Variants in GGT1 observed in about 807,000 individuals in gnomAD.
GGT1 encodes the protein glutathione hydrolase 1 proenzyme.
A neutral mutation model predicts 56.0 loss-of-function variants in GGT1; 21 were observed. The ratio of observed to expected loss-of-function variants is 0.38; its 90% CI spans 0.27 to 0.54. The LOEUF (loss-of-function observed/expected upper bound fraction) is 0.54. Ranked by LOEUF, GGT1 falls within the 20% of genes least tolerant of loss-of-function variation. The pLI is 0.82. For synonymous variants in GGT1, 238 were observed against 342.6 expected, an observed-to-expected ratio of 0.69 and a Z score of 3.37; for missense variants, 466 against 787.0, an observed-to-expected ratio of 0.59 and a Z score of 4.88.
the GGT1 span, chr22:24,589,550 GC>G: frequency 4.3e-6 from 2 of 460,986 alleles, no homozygotes; most frequent in Non-Finnish European, 6.8e-6. Flanking sequence ...CCTGGTCTGG[GC>G]CCCCAGGCCT....
chr22:24,600,934 C>T (rs1280693309), upstream of GGT1, among the ~76,000 whole-genome samples: 1 of 152,176 alleles, frequency 6.6e-6, no homozygotes, highest in Admixed American at 6.5e-5. Flanking sequence ...TAGTGAGCTC[C>T]CCATTGGGGA....
chr22:24,600,171 AG>A (rs1337445343), upstream of GGT1, among the ~76,000 whole-genome samples: 4 of 152,208 alleles, frequency 2.6e-5, no homozygotes, highest in Admixed American at 6.5e-5. Context: ...TCATCAGGAA[AG>A]GGGAGAAGCT....
At chr22:24,607,084 C>G (rs188070425) in intron 1 of GGT1, among the ~76,000 whole-genome samples, 10,073 of 152,210 alleles carry the variant, frequency 0.066, 1,058 homozygotes, top group African/African-American at 0.23. Flanking sequence ...TACCAGGTGG[C>G]CAAGCCTGCA....
At chr22:24,596,488 C>T (rs761434883) in intron 1 of GGT1, among the ~76,000 whole-genome samples, 1 of 152,110 alleles carries the variant, frequency 6.6e-6, no homozygotes, top group Non-Finnish European at 1.5e-5. Flanking sequence ...TGGGGTCTCA[C>T]TATGTTGCCC....
upstream of GGT1, chr22:24,592,986 C>G (rs2147179368): frequency 6.9e-6 from 8 of 1,158,876 alleles, no homozygotes; most frequent in South Asian, 2.1e-4. Flanking sequence ...CGGCCGCCGC[C>G]CCGGCCTCAG....
At chr22:24,607,179 G>T (rs1224562957) in intron 1 of GGT1, among the ~76,000 whole-genome samples, 3 of 152,004 alleles carry the variant, frequency 2.0e-5, no homozygotes, top group African/African-American at 7.3e-5. Context: ...CTTGGGCCTG[G>T]GGTGCTAATG....
upstream of GGT1, among the ~76,000 whole-genome samples, chr22:24,591,298 C>T (rs1209361784): frequency 7.2e-5 from 11 of 152,338 alleles, 1 homozygote; most frequent in South Asian, 1.9e-3. Flanking sequence ...AGGCTGGTCT[C>T]GAATTCCCGA....
intron 11 of GGT1, among the ~76,000 whole-genome samples, chr22:24,626,438 C>T (rs1043376264): frequency 7.3e-6 from 1 of 136,446 alleles, no homozygotes; most frequent in Non-Finnish European, 1.6e-5. Context: ...AGCAGCCACT[C>T]AATGTCAATA....
At chr22:24,610,195 A>C (rs969985678) in intron 3 of GGT1, 55 bp from the exon 4 acceptor site, 10 of 311,618 alleles carry the variant, frequency 3.2e-5, no homozygotes, top group Non-Finnish European at 6.0e-5. Context: ...CCTGGGAGAC[A>C]TGCTGAGAGA....
At chr22:24,599,054 T>C (rs1195158531), upstream of GGT1, 1 of 152,238 alleles carries the variant, frequency 6.6e-6, no homozygotes. Flanking sequence ...AGATTAGAGA[T>C]GCCAGCTGTC....
rs762097364 is a variant in GGT1, at chr22:24,615,067, G to A, written c.322G>A (p.Glu108Lys). 1.9e-6 allele frequency: 3 copies of A among 1,612,208 alleles called. No homozygotes were observed. The highest frequency in any genetic ancestry group is 2.2e-5 in the East Asian group (1 of 44,880). Residue 108 changes from glutamate (E) to lysine (K), a missense_variant, in exon 7 of 16, where the codon GAG becomes AAG. Around this residue, in one of 2 missense-constraint regions of GGT1, gnomAD observed 456 missense variants for 716.7 expected, o/e 0.64. Transcript: ENST00000400382. ...AAAAGCTGAGGTCATCAACGCCCGC[G>A]AGGTGGCCCCCAGGCTGGCCTTTGC... ...TRKAEVINAREVAPRLAFATM... is the reference protein window; with the variant it reads ...TRKAEVINARKVAPRLAFATM...
chr22:24,592,804 C>T (rs2045612028), upstream of GGT1: 1 of 1,247,806 alleles, frequency 8.0e-7, no homozygotes, highest in Non-Finnish European at 1.0e-6. Context: ...CTCCCAGACC[C>T]CCAGACCCCC....
In GGT1 at chr22:24,625,897, C is replaced by A. The variant is rs1339213628; in HGVS notation, c.1021-1535C>A. On this transcript the variant is annotated intron_variant, in intron 11 of 15. Transcript: ENST00000400382. ...TGTCCCACATCGTGGATTTGCCTTTCTGTTTCCTTGAGGGCAGATTCAGAC... is the reference window on the plus strand; with the variant it reads ...TGTCCCACATCGTGGATTTGCCTTTATGTTTCCTTGAGGGCAGATTCAGAC... 1.2e-3 allele frequency among the ~76,000 whole-genome samples: 183 copies of A among 150,396 alleles called. 1 individual carries two copies. The highest frequency in any genetic ancestry group is 4.2e-3 in the African/African-American group (170 of 40,350).
rs576788401 is a variant in GGT1 at position 24,623,281 on chromosome 22, T to C, written c.883+25T>C. On this transcript the variant is annotated intron_variant, in intron 10 of 15. Coordinates refer to ENST00000400382, the MANE Select transcript of GGT1 (RefSeq NM_001288833.2). ...GGTGAGTGGTCGCACCACAGCCGTG[T>C]GGTAGGACCCATGACACTGCCTCTC... The C allele has an allele frequency of 8.2e-5, 125 of 1,517,824 alleles. 1 individual carries two copies. The African/African-American group carries it at 1.7e-3, about 20-fold the overall frequency. 94.0% of individuals were successfully genotyped at this position (1,517,824 alleles called of 1,614,324 possible).
chr22:24,598,840 A>T (rs947811222), upstream of GGT1, among the ~76,000 whole-genome samples: 2 of 151,690 alleles, frequency 1.3e-5, no homozygotes. Flanking sequence ...GGCATGAGCC[A>T]CTGCACCTGG....
the GGT1 span, chr22:24,585,874 G>A: frequency 3.2e-6 from 5 of 1,566,088 alleles, no homozygotes; most frequent in South Asian, 1.1e-5. Flanking sequence ...AATGAGCCAG[G>A]TGGGTGGTGG....
At chr22:24,592,921 G>T, upstream of GGT1, 1 of 1,264,398 alleles carries the variant, frequency 7.9e-7, no homozygotes, top group Admixed American at 4.1e-5. Context: ...GCGGAGCGTG[G>T]ACTGGATCTC....
chr22:24,588,719 G>A, the GGT1 span: 1,043 of 1,068,242 alleles, frequency 9.8e-4, 20 homozygotes, highest in East Asian at 0.02. Context: ...CGAGGGAGCC[G>A]TGCTCCACTG....
the GGT1 span, chr22:24,589,284 A>C: frequency 2.3e-5 from 29 of 1,240,666 alleles, no homozygotes; most frequent in Non-Finnish European, 3.0e-5. Context: ...TGGAGGCTGC[A>C]GGTGGCAAAC....
Sources: allele counts gnomAD v4.1 joint callset (sites outside exome capture counted in the v4.1 genomes callset), GRCh38; gene constraint gnomAD v4.1.1; regional missense constraint gnomAD v4.1.1; transcripts MANE v1.5; gene names NCBI Gene and HGNC (gene_info 2026-07-23, HGNC 2026-07-21).